Variants in NOX3 observed in about 807,000 individuals in gnomAD.
NOX3 encodes NADPH oxidase catalytic subunit-like 3.
A neutral mutation model predicts 76.7 loss-of-function variants in NOX3; 74 were observed. That is an observed-to-expected ratio of 0.96 (90% CI 0.80 to 1.17). The LOEUF (loss-of-function observed/expected upper bound fraction) is 1.17. Among genes scored for constraint, NOX3 ranks in the 50% most tolerant of loss-of-function variants. NOX3 has a pLI of 0.00. For missense variants in NOX3, 695 were observed against 703.3 expected (o/e 0.99, Z 0.13); for synonymous variants, 263 against 261.1 (o/e 1.01, Z -0.07).
At chr6:155,404,915 A>G (rs1017814639) in intron 12 of NOX3, among the ~76,000 whole-genome samples, 5 of 152,214 alleles carry the variant, frequency 3.3e-5, no homozygotes, top group South Asian at 4.1e-4. Flanking sequence ...CCTCCTCATT[A>G]ACCTCCTTCA....
intron 10 of NOX3, among the ~76,000 whole-genome samples, chr6:155,414,832 T>C (rs553181653): frequency 6.4e-4 from 97 of 152,214 alleles, no homozygotes; most frequent in African/African-American, 2.2e-3. Context: ...TTCACCATGT[T>C]GGCCATGCTG....
rs1436755402 is a variant in NOX3, at chr6:155,441,990, C to G, written c.486+1283G>C. ...CTAAGAAAAGGTAGCTCAAGCCGAG[C>G]GCGGTGGCTCACGCCTGTAATCCCA... On this transcript the variant is annotated intron_variant, in intron 5 of 13. Transcript: ENST00000159060. Among the ~76,000 whole-genome samples, 6 of 152,270 alleles carry G rather than the reference C, an allele frequency of 3.9e-5. No individual in the cohort carries two copies. In the East Asian group the frequency reaches 1.2e-3, roughly 29 times the overall value.
intron 6 of NOX3, among the ~76,000 whole-genome samples, chr6:155,439,536 A>G (rs1582943934): frequency 1.3e-5 from 2 of 152,302 alleles, no homozygotes; most frequent in South Asian, 4.1e-4. Flanking sequence ...TGCCCATGCC[A>G]CACATTGTCC....
rs1179457786 is a variant in NOX3 at position 155,454,903 on chromosome 6, G to C, written c.163C>G (p.Arg55Gly). ...VILGSTLAWA[R>G]ASALCLNFNC... The stretch of plus-strand genomic sequence containing the variant: ...AAATTCAGGCACAGTGCGGATGCTC[G>C]TGCCCAAGCCAGTGTTGACTGTCCA... The change falls in exon 3 of 14, where the codon CGA becomes GGA. Residue 55 changes from arginine to glycine, a missense_variant. Coordinates refer to ENST00000159060, the MANE Select transcript of NOX3 (RefSeq NM_015718.3). 1.9e-6 allele frequency: 3 copies of C among 1,610,942 alleles called. No homozygotes were observed. The highest frequency in any genetic ancestry group is 2.7e-5 in the African/African-American group (2 of 74,718).
At chr6:155,398,374 A>G (rs1319705337) in intron 12 of NOX3, among the ~76,000 whole-genome samples, 1 of 152,170 alleles carries the variant, frequency 6.6e-6, no homozygotes, top group African/African-American at 2.4e-5. Flanking sequence ...TTCTTCAGAC[A>G]TGGATCTTGC....
chr6:155,430,083 C>G (rs952425101), intron 8 of NOX3, among the ~76,000 whole-genome samples: 6 of 152,246 alleles, frequency 3.9e-5, no homozygotes, highest in Admixed American at 3.9e-4. Flanking sequence ...TACAGAGATA[C>G]AGGATTCTGT....
intron 4 of NOX3, among the ~76,000 whole-genome samples, chr6:155,445,800 A>G (rs1280593656): frequency 6.6e-6 from 1 of 151,064 alleles, no homozygotes; most frequent in African/African-American, 2.4e-5. Flanking sequence ...AGAAGGGGTA[A>G]TGAAAGGGTA....
intron 10 of NOX3, among the ~76,000 whole-genome samples, chr6:155,412,643 A>T (rs1156849996): frequency 1.3e-5 from 2 of 152,046 alleles, no homozygotes; most frequent in Non-Finnish European, 2.9e-5. Context: ...TCCTTTCCTG[A>T]CACTTATTTC....
intron 12 of NOX3, among the ~76,000 whole-genome samples, chr6:155,401,347 G>A (rs1469079362): frequency 2.0e-5 from 3 of 152,126 alleles, no homozygotes; most frequent in African/African-American, 7.2e-5. Flanking sequence ...TTCCCATGAA[G>A]CTGTAACTTA....
intron 9 of NOX3, among the ~76,000 whole-genome samples, chr6:155,425,826 A>G (rs1212815969): frequency 6.6e-6 from 1 of 152,206 alleles, no homozygotes; most frequent in African/African-American, 2.4e-5. Context: ...TGGAAACTCC[A>G]TCAACTGAGA....
At chr6:155,422,907 G>T (rs373395726) in intron 9 of NOX3, 51 bp from the exon 10 acceptor site, 4 of 1,594,878 alleles carry the variant, frequency 2.5e-6, no homozygotes, top group African/African-American at 2.7e-5. Flanking sequence ...CACCTTGCTC[G>T]TGAACCCAGA....
intron 10 of NOX3, among the ~76,000 whole-genome samples, chr6:155,419,380 A>G (rs1181036064): frequency 6.6e-6 from 1 of 152,192 alleles, no homozygotes; most frequent in Non-Finnish European, 1.5e-5. Context: ...GTCCTGACTC[A>G]GTGGTGAACA....
chr6:155,431,054 G>A, intron 7 of NOX3, 119 bp from the exon 8 acceptor site: 1 of 631,558 alleles, frequency 1.6e-6, no homozygotes, highest in South Asian at 2.1e-5. Flanking sequence ...CTTTAACTTT[G>A]GGCCAGTTAT....
rs746132340 is a variant in NOX3 at position 155,440,139 on chromosome 6, T to TA, written c.487-3dup. 106 of 1,530,488 alleles carry TA rather than the reference T, an allele frequency of 6.9e-5. No individual in the cohort carries two copies. The highest frequency in any genetic ancestry group is 2.2e-4 in the South Asian group (17 of 78,904). 94.8% of individuals were successfully genotyped at this position (1,530,488 alleles called of 1,614,324 possible). ...CCTTAGCAATTCAGTGGTTGTGTTC[T>TA]AAAAAAAACAACAACAACAAAAAAA... On this transcript the variant is annotated splice_polypyrimidine_tract_variant and splice_region_variant and intron_variant, in intron 5 of 13. Coordinates refer to ENST00000159060, the MANE Select transcript of NOX3 (RefSeq NM_015718.3).
At chr6:155,425,152 C>T (rs1776740807) in intron 9 of NOX3, among the ~76,000 whole-genome samples, 1 of 152,224 alleles carries the variant, frequency 6.6e-6, no homozygotes, top group East Asian at 1.9e-4. Context: ...TGTCTTCTGA[C>T]AACTCTCATC....
intron 4 of NOX3, among the ~76,000 whole-genome samples, chr6:155,445,969 A>ATATATGCT (rs1380551108): frequency 6.0e-4 from 58 of 96,666 alleles, no homozygotes; most frequent in African/African-American, 2.4e-3. Context: ...ATATATATAT[A>ATATATGCT]ATATATATAT....
intron 12 of NOX3, among the ~76,000 whole-genome samples, chr6:155,402,764 G>A (rs1213641434): frequency 1.3e-5 from 2 of 152,162 alleles, no homozygotes; most frequent in Non-Finnish European, 2.9e-5. Context: ...TGAGTGAACA[G>A]GTAAATATTT....
In NOX3 at chr6:155,428,855, C is replaced by T. The variant is rs370800405; in HGVS notation, c.1084G>A (p.Ala362Thr). 1.2e-5 allele frequency: 20 copies of T among 1,606,938 alleles called. No homozygotes were observed. Among genetic ancestry groups the T allele is most frequent in the East Asian group, 2.2e-5 (1 of 44,660 alleles). Residue 362 changes from alanine to threonine, a missense_variant, in exon 9 of 14, where the codon GCG (alanine) becomes ACG (threonine). Ala to Thr is a moderately conservative substitution (Grantham distance 58, BLOSUM62 0). Transcript: ENST00000159060. Reference sequence around the variant, plus strand: ...TCTGCCCCAAAGGCCTCCAGTAGCGCTGCTGTCCAGTCTCCTGCTGCCCGG... The same window carrying T: ...TCTGCCCCAAAGGCCTCCAGTAGCGTTGCTGTCCAGTCTCCTGCTGCCCGG... The part of the protein sequence containing the change: ...HIRAAGDWTA[A>T]LLEAFGAEGQ...
At chr6:155,422,158 A>T (rs1194114894) in intron 10 of NOX3, among the ~76,000 whole-genome samples, 1 of 152,120 alleles carries the variant, frequency 6.6e-6, no homozygotes, top group African/African-American at 2.4e-5. Flanking sequence ...GAGTGTCTAG[A>T]TACGACAAAG....
Sources: gnomAD v4.1 joint callset for allele counts (sites outside exome capture counted in the v4.1 genomes callset) on GRCh38, gnomAD v4.1.1 for gene constraint, MANE v1.5 for transcripts, NCBI Gene and HGNC (gene_info 2026-07-23, HGNC 2026-07-21) for gene names.